The following CIBAR1 variants were observed in gnomAD, a reference collection of about 807,000 sequenced individuals.
CIBAR1 encodes the protein CBY1-interacting BAR domain-containing protein 1.
Under a neutral mutation model 44.0 loss-of-function variants are expected in CIBAR1, and 25 were observed. The ratio of observed to expected loss-of-function variants is 0.57; its 90% CI spans 0.41 to 0.79. The LOEUF (loss-of-function observed/expected upper bound fraction) is 0.79. Ranked by LOEUF, CIBAR1 falls within the 30% of genes least tolerant of loss-of-function variation. The pLI, the probability that CIBAR1 is intolerant of heterozygous loss-of-function variation, is 0.00. For synonymous variants in CIBAR1, 115 were observed against 119.0 expected (o/e 0.97, Z 0.22); for missense variants, 278 against 344.8 (o/e 0.81, Z 1.53).
At chr8:93,703,050 G>A (rs1810426326) in intron 2 of CIBAR1, among the ~76,000 whole-genome samples, 1 of 152,116 alleles carries the variant, frequency 6.6e-6, no homozygotes, top group South Asian at 2.1e-4. Flanking sequence ...AATTCTAAAT[G>A]AAACAGAGAT....
At chr8:93,718,128 A>T (rs548417539) in intron 6 of CIBAR1, among the ~76,000 whole-genome samples, 1 of 152,230 alleles carries the variant, frequency 6.6e-6, no homozygotes, top group Non-Finnish European at 1.5e-5. Flanking sequence ...GGGCAAGTCA[A>T]TATTTGTAAA....
chr8:93,705,402 A>G (rs1810539936), intron 4 of CIBAR1: 1 of 192,966 alleles, frequency 5.2e-6, no homozygotes, highest in Admixed American at 6.1e-5. Context: ...AAATTTTCCC[A>G]TTTAATTTCC....
chr8:93,703,174 A>C (rs767241829), intron 2 of CIBAR1, among the ~76,000 whole-genome samples: 2 of 152,152 alleles, frequency 1.3e-5, no homozygotes. Flanking sequence ...AGTGATCTCT[A>C]AGCTTTTTTG....
chr8:93,724,040 TG>T (rs1398560589), intron 7 of CIBAR1, among the ~76,000 whole-genome samples: 1 of 152,156 alleles, frequency 6.6e-6, no homozygotes, highest in African/African-American at 2.4e-5. Flanking sequence ...GAGACCAGCC[TG>T]GGCAACATAG....
At chr8:93,702,389 C>T in intron 2 of CIBAR1, 1 of 389,688 alleles carries the variant, frequency 2.6e-6, no homozygotes, top group South Asian at 1.9e-5. Context: ...CACAGGTAAT[C>T]CTAAAATCTT....
At chr8:93,715,954 T>TA (rs1266410061) in intron 6 of CIBAR1, 7 of 152,220 alleles carry the variant, frequency 4.6e-5, no homozygotes, top group Non-Finnish European at 1.0e-4. Flanking sequence ...TTAATTTTAA[T>TA]ATATATTTTT....
At chr8:93,726,638 C>T (rs189132377) in intron 8 of CIBAR1, 125 bp downstream of exon 8, 2 of 1,120,996 alleles carry the variant, frequency 1.8e-6, no homozygotes, top group East Asian at 5.3e-5. Flanking sequence ...TATTTCTTCT[C>T]TTCTATAAAA....
At chr8:93,719,936 C>T (rs1811185502) in intron 7 of CIBAR1, 1 of 151,730 alleles carries the variant, frequency 6.6e-6, no homozygotes, top group Admixed American at 6.6e-5. Flanking sequence ...GAAGTGTCTA[C>T]CACTTAACAA....
At chr8:93,709,228 C>T (rs1256948635) in intron 5 of CIBAR1, among the ~76,000 whole-genome samples, 1 of 151,844 alleles carries the variant, frequency 6.6e-6, no homozygotes, top group African/African-American at 2.4e-5. Flanking sequence ...TGCAGTGAGC[C>T]GAGAGCGTGC....
At chr8:93,717,814 A>G (rs919905655) in intron 6 of CIBAR1, among the ~76,000 whole-genome samples, 1 of 152,206 alleles carries the variant, frequency 6.6e-6, no homozygotes, top group Non-Finnish European at 1.5e-5. Context: ...TAACAAAATG[A>G]TAAGATCATA....
intron 7 of CIBAR1, among the ~76,000 whole-genome samples, chr8:93,720,347 C>T (rs1039086966): frequency 4.6e-5 from 7 of 152,026 alleles, no homozygotes; most frequent in Admixed American, 2.0e-4. Flanking sequence ...CATTACTCCA[C>T]GGGCTCCAGG....
At chr8:93,708,159 A>G in intron 5 of CIBAR1, 143 bp downstream of exon 5, 1 of 480,788 alleles carries the variant, frequency 2.1e-6, no homozygotes, top group Non-Finnish European at 3.5e-6. Flanking sequence ...AACAAATGCA[A>G]ACTTTTTCTA....
intron 5 of CIBAR1, 77 bp from the exon 6 acceptor site, chr8:93,709,694 G>A: frequency 8.3e-7 from 1 of 1,202,240 alleles, no homozygotes; most frequent in Non-Finnish European, 1.2e-6. Context: ...TGCAATGGTA[G>A]AATTTACCAG....
At chr8:93,706,796 A>G (rs1455313422) in intron 4 of CIBAR1, among the ~76,000 whole-genome samples, 1 of 152,216 alleles carries the variant, frequency 6.6e-6, no homozygotes, top group Non-Finnish European at 1.5e-5. Context: ...TGACAACCTG[A>G]GACCAAAACA....
At chr8:93,702,337 TATG>T (rs996015869) in intron 2 of CIBAR1, 26 of 395,784 alleles carry the variant, frequency 6.6e-5, no homozygotes, top group Non-Finnish European at 1.2e-4. Flanking sequence ...CTCAATTATA[TATG>T]ATAACTGGGG....
rs143699554 is a variant in CIBAR1 at position 93,703,066 on chromosome 8, A to G, written c.262-554A>G. ...ATTCTAAATGAAACAGAGATGAAAC[A>G]TACAGTTTGACAGCTCAGCAACTCA... On this transcript the variant is annotated intron_variant, in intron 2 of 8. Transcript: ENST00000518322. 1.9e-3 allele frequency among the ~76,000 whole-genome samples: 286 copies of G among 152,306 alleles called. 2 individuals are homozygous for G. The highest frequency in any genetic ancestry group is 6.6e-3 in the African/African-American group (275 of 41,564).
chr8:93,718,892 C>T, intron 7 of CIBAR1, 104 bp downstream of exon 7: 1 of 652,280 alleles, frequency 1.5e-6, no homozygotes, highest in Middle Eastern at 4.0e-4. Context: ...GAGACAGAGT[C>T]TCACTCTGTT....
chr8:93,721,993 C>T (rs1486521036), intron 7 of CIBAR1, among the ~76,000 whole-genome samples: 1 of 152,082 alleles, frequency 6.6e-6, no homozygotes, highest in Non-Finnish European at 1.5e-5. Flanking sequence ...GAAGAAAGAA[C>T]AGTGTATTTA....
rs1399232202 is a variant in CIBAR1 at position 93,730,248 on chromosome 8, A to C, written c.*1951A>C. The C allele has an allele frequency of 1.3e-5, 2 of 152,240 alleles. No individual in the cohort carries two copies. Among genetic ancestry groups the C allele is most frequent in the African/African-American group, 4.8e-5 (2 of 41,462 alleles). The allele number at this position is 152,240 out of a possible 1,614,324, so 9.4% of individuals were successfully genotyped here. ...TAATATTTACTGCAAAAACAGAGGC[A>C]GCAAGGTCACTACTTAACAGGTGAT... is the stretch of plus-strand genomic sequence containing the variant. On this transcript the variant is annotated 3_prime_UTR_variant, in exon 9 of 9. Coordinates refer to ENST00000518322, the MANE Select transcript of CIBAR1 (RefSeq NM_145269.5).
Sources: gnomAD v4.1 joint callset for allele counts (sites outside exome capture counted in the v4.1 genomes callset) on GRCh38, gnomAD v4.1.1 for gene constraint, MANE v1.5 for transcripts, NCBI Gene and HGNC (gene_info 2026-07-23, HGNC 2026-07-21) for gene names.